Variants in NIPAL3 observed in about 807,000 individuals in gnomAD.
NIPAL3 encodes NIPA-like protein 3.
In NIPAL3, 41 loss-of-function variants were observed where a neutral mutation model predicts 47.2. The observed-to-expected ratio is 0.87, with a 90% CI of 0.68 to 1.13. The LOEUF (loss-of-function observed/expected upper bound fraction) is 1.13. Ranked by LOEUF, NIPAL3 falls within the 50% of genes most tolerant of loss-of-function variation. The pLI is 0.00. For synonymous variants in NIPAL3, 194 were observed against 209.6 expected (o/e 0.93, Z 0.64); for missense variants, 449 against 530.1 (o/e 0.85, Z 1.50).
rs560703965 is a variant in NIPAL3, at chr1:24,437,201, G to A, written c.94-2971G>A. Among the ~76,000 whole-genome samples the A allele has an allele frequency of 6.0e-4, 92 of 152,202 alleles. No individual in the cohort carries two copies. The South Asian group carries it at 7.5e-3, about 12-fold the overall frequency. ...CGGGAGGTGGAGTTTGCAGTGAGCC[G>A]AGATTGCGCCACTGCACTCCAGCCT... On this transcript the variant is annotated intron_variant, in intron 2 of 11. Coordinates refer to ENST00000374399, the MANE Select transcript of NIPAL3 (RefSeq NM_020448.5).
intron 4 of NIPAL3, among the ~76,000 whole-genome samples, chr1:24,443,649 C>A (rs16829675): frequency 1.3e-5 from 2 of 152,110 alleles, no homozygotes; most frequent in African/African-American, 4.8e-5. Context: ...TTATAAGTCC[C>A]GGTTTTTCCT....
rs777559432 is a variant in NIPAL3 at position 24,424,321 on chromosome 1, T to C, written c.93+4681T>C. Among the ~76,000 whole-genome samples the C allele has an allele frequency of 3.0e-4, 46 of 152,202 alleles. 1 individual carries two copies. The highest frequency in any genetic ancestry group is 1.9e-4 in the East Asian group (1 of 5,198). ...TGCAGAGCTCCTGTTGCCTTATCTG[T>C]AGAATGTTGGTTTTCATCCTTCCCT... On this transcript the variant is annotated intron_variant, in intron 2 of 11. Coordinates refer to ENST00000374399, the MANE Select transcript of NIPAL3 (RefSeq NM_020448.5).
At chr1:24,446,784 C>T (rs1459755062) in intron 5 of NIPAL3, among the ~76,000 whole-genome samples, 1 of 152,112 alleles carries the variant, frequency 6.6e-6, no homozygotes, top group African/African-American at 2.4e-5. Context: ...TGGGTATATA[C>T]CCAGTTAATG....
chr1:24,458,200 G>C (rs530695423), intron 8 of NIPAL3, among the ~76,000 whole-genome samples: 4 of 152,198 alleles, frequency 2.6e-5, no homozygotes, highest in Non-Finnish European at 5.9e-5. Flanking sequence ...GCTGAGGCAG[G>C]AGCATTTGAG....
intron 2 of NIPAL3, among the ~76,000 whole-genome samples, chr1:24,428,005 G>C (rs1644676915): frequency 6.6e-6 from 1 of 152,158 alleles, no homozygotes; most frequent in Admixed American, 6.5e-5. Flanking sequence ...CAGAACTCTG[G>C]AAGGCCGAGG....
At chr1:24,441,467 G>T (rs531715989) in intron 3 of NIPAL3, among the ~76,000 whole-genome samples, 90 of 152,068 alleles carry the variant, frequency 5.9e-4, no homozygotes, top group Non-Finnish European at 1.1e-3. Flanking sequence ...CTTCAGTTTC[G>T]ATGTCCCAGG....
chr1:24,426,747 GC>G (rs1644607603), intron 2 of NIPAL3, among the ~76,000 whole-genome samples: 1 of 152,138 alleles, frequency 6.6e-6, no homozygotes, highest in Non-Finnish European at 1.5e-5. Context: ...ATATTTGCCT[GC>G]CTTCTCCCCT....
intron 7 of NIPAL3, among the ~76,000 whole-genome samples, chr1:24,455,425 C>G (rs1646148616): frequency 6.6e-6 from 1 of 152,214 alleles, no homozygotes; most frequent in Non-Finnish European, 1.5e-5. Context: ...AGTTCAGGGT[C>G]ACATGACTTT....
intron 2 of NIPAL3, among the ~76,000 whole-genome samples, chr1:24,422,370 A>G (rs537529497): frequency 7.9e-5 from 12 of 152,118 alleles, no homozygotes; most frequent in Non-Finnish European, 1.5e-4. Context: ...GGCAAGTGTC[A>G]TCCCTTCTCT....
intron 2 of NIPAL3, 87 bp downstream of exon 2, chr1:24,419,727 G>A: frequency 8.8e-7 from 1 of 1,132,192 alleles, no homozygotes; most frequent in South Asian, 1.4e-5. Flanking sequence ...GATATGTATG[G>A]GGTCTGCATG....
Position 24,419,508 on chromosome 1 carries a change from C to G in NIPAL3, c.-40C>G, listed in dbSNP as rs764651166. The stretch of plus-strand genomic sequence containing the variant: ...GGGCCCCGCCTAGCAGCAGCTCCAC[C>G]TCCTAGGCCAGGCCCTGTGGGATGC... On this transcript the variant is annotated 5_prime_UTR_variant, in exon 2 of 12. Transcript: ENST00000374399. The G allele has an allele frequency of 3.2e-6, 5 of 1,555,876 alleles. No homozygotes were observed. The East Asian group carries it at 9.6e-5, about 30-fold the overall frequency.
intron 2 of NIPAL3, among the ~76,000 whole-genome samples, chr1:24,437,017 C>G (rs950375789): frequency 6.6e-6 from 1 of 151,918 alleles, no homozygotes; most frequent in Non-Finnish European, 1.5e-5. Context: ...TTTGGGAGGC[C>G]GAAGCGGTCG....
In NIPAL3 at chr1:24,469,063, A is replaced by G. The variant is rs749765834; in HGVS notation, c.1099A>G (p.Asn367Asp). ...TTCTTTTTCCTATGGGGCTCTGGAA[A>G]ACAATGACAACATTTCTGAGATCTA... ...KASFSYGALE[N>D]NDNISEIYAP... is the part of the protein sequence containing the mutation. The change falls in exon 12 of 12, where the codon AAC becomes GAC. Residue 367 changes from asparagine to aspartate, a missense_variant. Physicochemically the swap from Asn to Asp is conservative, Grantham distance 23. Coordinates refer to ENST00000374399, the MANE Select transcript of NIPAL3 (RefSeq NM_020448.5). 4 of 1,614,040 alleles carry G rather than the reference A, an allele frequency of 2.5e-6. No individual in the cohort carries two copies. The Admixed American group carries it at 6.7e-5, about 27-fold the overall frequency.
Position 24,470,516 on chromosome 1 carries a change from C to T in NIPAL3, c.*1331C>T, listed in dbSNP as rs944693837. On this transcript the variant is annotated 3_prime_UTR_variant, in exon 12 of 12. Transcript: ENST00000374399. ...CCTAAGAATTTACAAAGATGTTCTG[C>T]TAAAACCCCCAGGGCCCCATGCAGT... 5 of 152,176 alleles carry T rather than the reference C, an allele frequency of 3.3e-5. No homozygotes were observed. The highest frequency in any genetic ancestry group is 7.3e-5 in the Non-Finnish European group (5 of 68,030). 9.4% of individuals were successfully genotyped at this position (152,176 alleles called of 1,614,324 possible).
At chr1:24,446,738 A>T (rs1645688279) in intron 5 of NIPAL3, among the ~76,000 whole-genome samples, 1 of 152,160 alleles carries the variant, frequency 6.6e-6, no homozygotes, top group Non-Finnish European at 1.5e-5. Flanking sequence ...ACATATGTGC[A>T]CATGTATCTT....
intron 10 of NIPAL3, among the ~76,000 whole-genome samples, chr1:24,463,818 A>C (rs1248909583): frequency 6.6e-6 from 1 of 151,952 alleles, no homozygotes; most frequent in Non-Finnish European, 1.5e-5. Flanking sequence ...AGGGCATGTG[A>C]GGCCACTCCA....
intron 10 of NIPAL3, among the ~76,000 whole-genome samples, chr1:24,463,340 T>C (rs1274871663): frequency 6.6e-6 from 1 of 152,168 alleles, no homozygotes; most frequent in Admixed American, 6.5e-5. Context: ...GTCAAGATAG[T>C]AGTTACCTCT....
chr1:24,418,631 C>T (rs992980494), intron 1 of NIPAL3, among the ~76,000 whole-genome samples: 4 of 152,166 alleles, frequency 2.6e-5, no homozygotes, highest in East Asian at 1.9e-4. Flanking sequence ...GTTCGGGAAG[C>T]ACTGAAAATA....
rs150473673 is a variant in NIPAL3 at position 24,458,276 on chromosome 1, G to A, written c.774-612G>A. ...TGCACTCCAGCCTAGGCCACAAAGC[G>A]AAGTAAAAAAATAAAAGCAATTGAG... On this transcript the variant is annotated intron_variant, in intron 8 of 11. Coordinates refer to ENST00000374399, the MANE Select transcript of NIPAL3 (RefSeq NM_020448.5). Among the ~76,000 whole-genome samples the A allele has an allele frequency of 3.4e-3, 515 of 152,214 alleles. 5 individuals carry two copies. The highest frequency in any genetic ancestry group is 0.011 in the African/African-American group (456 of 41,504).
Sources: gnomAD v4.1 joint callset for allele counts (sites outside exome capture counted in the v4.1 genomes callset) on GRCh38, gnomAD v4.1.1 for gene constraint, MANE v1.5 for transcripts, NCBI Gene and HGNC (gene_info 2026-07-23, HGNC 2026-07-21) for gene names.